The following TTC7B variants were observed in gnomAD, a reference collection of about 807,000 sequenced individuals.
The protein encoded by TTC7B is tetratricopeptide repeat protein 7B.
A neutral mutation model predicts 106.8 loss-of-function variants in TTC7B; 28 were observed. The ratio of observed to expected loss-of-function variants is 0.26; its 90% CI spans 0.19 to 0.36. The LOEUF is 0.36. TTC7B is among the 10% of genes least tolerant of loss of function. The pLI is 1.00. For synonymous variants in TTC7B, 405 were observed against 430.6 expected (o/e 0.94, Z 0.74); for missense variants, 862 against 1,076.4 (o/e 0.80, Z 2.79).
At chr14:90,646,704 C>A in intron 14 of TTC7B, 1 of 493,608 alleles carries the variant, frequency 2.0e-6, no homozygotes, top group South Asian at 2.2e-5. Flanking sequence ...CTGACCCTAG[C>A]TTGGGCCCTC....
At chr14:90,630,827 T>C (rs1444127768) in intron 15 of TTC7B, among the ~76,000 whole-genome samples, 1 of 150,000 alleles carries the variant, frequency 6.7e-6, no homozygotes, top group East Asian at 1.9e-4. Flanking sequence ...TGTCCTTCTA[T>C]CTTGTTTTTT....
rs143142655 is a variant in TTC7B at position 90,624,952 on chromosome 14, T to C, written c.1752-6907A>G. ...TGCAAAATGGCTGTGCAGAAAAGCA[T>C]GCGGGATCTGCCCAAGCGGGGCAGC... On this transcript the variant is annotated intron_variant, in intron 15 of 19. Transcript: ENST00000328459. This position sits in a 1 kb window ranked among gnomAD's most constrained non-coding sequence, Gnocchi z 4.0. Among the ~76,000 whole-genome samples, 810 of 152,296 alleles carry C rather than the reference T, an allele frequency of 5.3e-3. 6 individuals carry two copies. The highest frequency in any genetic ancestry group is 0.019 in the African/African-American group (781 of 41,576).
intron 17 of TTC7B, 36 bp from the exon 18 acceptor site, chr14:90,593,662 G>GA (rs1892071615): frequency 6.5e-7 from 1 of 1,541,616 alleles, no homozygotes; most frequent in Non-Finnish European, 8.8e-7. Flanking sequence ...TATCAGGAGC[G>GA]AAAGAACAGA....
At chr14:90,704,855 A>G (rs972210953) in intron 5 of TTC7B, among the ~76,000 whole-genome samples, 3 of 152,162 alleles carry the variant, frequency 2.0e-5, no homozygotes, top group African/African-American at 7.2e-5. Flanking sequence ...ATCGCACAGC[A>G]CCTCATTTAT....
intron 5 of TTC7B, among the ~76,000 whole-genome samples, chr14:90,705,441 C>A (rs534527373): frequency 6.6e-6 from 1 of 152,160 alleles, no homozygotes; most frequent in Non-Finnish European, 1.5e-5. Flanking sequence ...GGGGCTGAGC[C>A]AGGACCTGAT....
chr14:90,695,285 CAT>C (rs1194338479), intron 6 of TTC7B, among the ~76,000 whole-genome samples: 44 of 125,974 alleles, frequency 3.5e-4, no homozygotes, highest in African/African-American at 1.1e-3. Context: ...ATATATGTGA[CAT>C]ATATGTACAT....
intron 5 of TTC7B, among the ~76,000 whole-genome samples, chr14:90,724,805 G>A (rs754834208): frequency 2.0e-5 from 3 of 152,172 alleles, no homozygotes; most frequent in East Asian, 1.9e-4. Flanking sequence ...GCCCTGGCAC[G>A]GATGGTACAC....
chr14:90,787,389 G>A (rs975551329), intron 1 of TTC7B, among the ~76,000 whole-genome samples: 1 of 152,118 alleles, frequency 6.6e-6, no homozygotes, highest in Non-Finnish European at 1.5e-5. Flanking sequence ...TCTGGGATGG[G>A]ACAGAACATA....
At position 90,580,084 on chromosome 14, in the gene TTC7B, G is replaced by A. The variant is rs190341926; in HGVS notation, c.2108-1776C>T. Among the ~76,000 whole-genome samples, 172 of 152,344 alleles carry A rather than the reference G, an allele frequency of 1.1e-3. 10 individuals carry two copies. The highest frequency in any genetic ancestry group is 0.01 in the Middle Eastern group (3 of 294). ...CGCCTGCCCAACAGGCAGCCAGGCC[G>A]AGGCCCTGTGCTCTGATTTTCTGCA... On this transcript the variant is annotated intron_variant, in intron 18 of 19. Coordinates refer to ENST00000328459, the MANE Select transcript of TTC7B (RefSeq NM_001010854.2).
intron 17 of TTC7B, chr14:90,601,891 G>GCGATGC (rs1371943690): frequency 3.2e-6 from 1 of 313,060 alleles, no homozygotes. Context: ...GAGGCCCAGG[G>GCGATGC]CGATGCGGCG....
intron 4 of TTC7B, among the ~76,000 whole-genome samples, chr14:90,736,250 C>T (rs1346443805): frequency 6.6e-6 from 1 of 151,392 alleles, no homozygotes; most frequent in Non-Finnish European, 1.5e-5. Flanking sequence ...TTTCTCTGTA[C>T]ATAGTGAAAA....
intron 2 of TTC7B, among the ~76,000 whole-genome samples, chr14:90,782,338 C>T: frequency 6.6e-6 from 1 of 152,170 alleles, no homozygotes; most frequent in Non-Finnish European, 1.5e-5. Context: ...GTGGCTCACA[C>T]CTATAATCCC....
At chr14:90,550,857 T>C (rs893149209) in intron 19 of TTC7B, among the ~76,000 whole-genome samples, 1 of 152,158 alleles carries the variant, frequency 6.6e-6, no homozygotes, top group East Asian at 1.9e-4. Context: ...TGTGGGGTAG[T>C]AGGGAAGGAG....
At chr14:90,732,468 C>T (rs774856291) in intron 4 of TTC7B, among the ~76,000 whole-genome samples, 20 of 152,174 alleles carry the variant, frequency 1.3e-4, no homozygotes, top group Non-Finnish European at 1.9e-4. Context: ...GCCTCAACCT[C>T]GCAGGCTCAA....
chr14:90,568,932 C>A (rs920752077), intron 19 of TTC7B, among the ~76,000 whole-genome samples: 2 of 152,174 alleles, frequency 1.3e-5, no homozygotes, highest in African/African-American at 2.4e-5. Context: ...GAGGAAATAG[C>A]TTACATCATA....
chr14:90,580,941 C>T lies in TTC7B; in HGVS notation c.2108-2633G>A, dbSNP rs558796676. ...TGTATCTCATGGCTGTGGTTAGTGG[C>T]GATGCTGCTGACCTTTGACCTCAAT... On this transcript the variant is annotated intron_variant, in intron 18 of 19. Coordinates refer to ENST00000328459, the MANE Select transcript of TTC7B (RefSeq NM_001010854.2). Among the ~76,000 whole-genome samples, 12 of 152,282 alleles carry T rather than the reference C, an allele frequency of 7.9e-5. No individual in the cohort carries two copies. The South Asian group carries it at 2.3e-3, about 29-fold the overall frequency.
intron 3 of TTC7B, among the ~76,000 whole-genome samples, chr14:90,767,656 T>C (rs1890734243): frequency 6.6e-6 from 1 of 152,194 alleles, no homozygotes; most frequent in Admixed American, 6.5e-5. Context: ...AATTCTTTTC[T>C]TTATAAGCTA....
intron 5 of TTC7B, among the ~76,000 whole-genome samples, chr14:90,704,146 T>C (rs1888111557): frequency 2.6e-5 from 4 of 152,218 alleles, no homozygotes; most frequent in Admixed American, 2.6e-4. Flanking sequence ...CCTGGAAAGC[T>C]TCTGACTCCA....
intron 3 of TTC7B, among the ~76,000 whole-genome samples, chr14:90,752,343 C>A (rs1369081241): frequency 6.6e-6 from 1 of 152,022 alleles, no homozygotes; most frequent in Non-Finnish European, 1.5e-5. Flanking sequence ...CATAGTGAGA[C>A]CCCATCTCTA....
Sources: allele counts gnomAD v4.1 joint callset (sites outside exome capture counted in the v4.1 genomes callset), GRCh38; gene constraint gnomAD v4.1.1; non-coding constraint Gnocchi (gnomAD v3.1); transcripts MANE v1.5; gene names NCBI Gene and HGNC (gene_info 2026-07-23, HGNC 2026-07-21).